HIBADH: variants seen among roughly 807,000 people sequenced by gnomAD.
HIBADH encodes 3-hydroxyisobutyrate dehydrogenase, mitochondrial.
Under a neutral mutation model 36.1 loss-of-function variants are expected in HIBADH, and 25 were observed. The ratio of observed to expected loss-of-function variants is 0.69; its 90% CI spans 0.50 to 0.97. The LOEUF (loss-of-function observed/expected upper bound fraction) is 0.97, where lower values mean the gene tolerates loss of function less well. HIBADH is among the 50% of genes least tolerant of loss of function. HIBADH has a pLI of 0.00. For synonymous variants in HIBADH, 160 were observed against 149.5 expected (o/e 1.07, Z -0.51); for missense variants, 421 against 418.0 (o/e 1.01, Z -0.06).
At chr7:27,576,012 G>C (rs1315530524) in intron 4 of HIBADH, among the ~76,000 whole-genome samples, 1 of 152,150 alleles carries the variant, frequency 6.6e-6, no homozygotes, top group Non-Finnish European at 1.5e-5. Flanking sequence ...TCTACTCATT[G>C]AATCAAGGCT....
At chr7:27,586,359 A>C (rs1466512026) in intron 4 of HIBADH, among the ~76,000 whole-genome samples, 1 of 135,062 alleles carries the variant, frequency 7.4e-6, no homozygotes, top group Non-Finnish European at 1.6e-5. Flanking sequence ...AAAGAGAGAC[A>C]GGGAGAGAGA....
chr7:27,644,960 G>C (rs2128296339), intron 2 of HIBADH, among the ~76,000 whole-genome samples: 1 of 152,080 alleles, frequency 6.6e-6, no homozygotes, highest in East Asian at 1.9e-4. Flanking sequence ...ATGCTTTCAA[G>C]GTTTATCAAT....
intron 6 of HIBADH, among the ~76,000 whole-genome samples, chr7:27,535,240 C>A (rs1333128341): frequency 6.6e-6 from 1 of 151,710 alleles, no homozygotes; most frequent in Non-Finnish European, 1.5e-5. Context: ...ATACAAAGAA[C>A]AAGCTTTTTG....
At chr7:27,630,696 T>C (rs1341135652) in intron 3 of HIBADH, among the ~76,000 whole-genome samples, 2 of 152,086 alleles carry the variant, frequency 1.3e-5, no homozygotes, top group Middle Eastern at 3.4e-3. Context: ...AGGCCACAGG[T>C]TGGAGACCAG....
chr7:27,631,980 A>G (rs188414372), intron 3 of HIBADH, among the ~76,000 whole-genome samples: 2 of 152,346 alleles, frequency 1.3e-5, no homozygotes, highest in East Asian at 1.9e-4. Flanking sequence ...TATATTTTTC[A>G]TAAAACCCTT....
chr7:27,607,569 G>A lies in HIBADH; in HGVS notation c.484+21802C>T, dbSNP rs148603498. Among the ~76,000 whole-genome samples, 172 of 152,124 alleles carry A rather than the reference G, an allele frequency of 1.1e-3. 2 individuals are homozygous for A. Among genetic ancestry groups the A allele is most frequent in the Non-Finnish European group, 2.1e-3 (142 of 67,994 alleles). ...CAGGTCTCAAAGTCAGAATTATGTCGCTGCTCTTATTCCTTTCTCAAAATT... is the reference window on the plus strand; with the variant it reads ...CAGGTCTCAAAGTCAGAATTATGTCACTGCTCTTATTCCTTTCTCAAAATT... On this transcript the variant is annotated intron_variant, in intron 4 of 7. Transcript: ENST00000265395.
At chr7:27,567,833 T>C (rs538439537) in intron 4 of HIBADH, among the ~76,000 whole-genome samples, 10 of 152,346 alleles carry the variant, frequency 6.6e-5, no homozygotes, top group South Asian at 4.1e-4. Context: ...ACCAATGTTT[T>C]ACAGATGGCC....
At chr7:27,621,706 C>T (rs1292117592) in intron 4 of HIBADH, among the ~76,000 whole-genome samples, 1 of 152,100 alleles carries the variant, frequency 6.6e-6, no homozygotes, top group Non-Finnish European at 1.5e-5. Flanking sequence ...GCAGAAGAAT[C>T]GCTTGAACCT....
At chr7:27,544,447 G>T (rs1222116594) in intron 4 of HIBADH, among the ~76,000 whole-genome samples, 2 of 152,004 alleles carry the variant, frequency 1.3e-5, no homozygotes, top group Admixed American at 1.3e-4. Flanking sequence ...CTTCACTTTG[G>T]ATTATATACA....
At position 27,525,961 on chromosome 7, in the gene HIBADH, C is replaced by T. The variant is rs1783889457; in HGVS notation, c.*253G>A. ...GATTTAGTTGAGGATGCTTGGGGAT[C>T]AAACTTTGTAAAAAGGTCAATTAAG... is the stretch of plus-strand genomic sequence containing the variant. On this transcript the variant is annotated 3_prime_UTR_variant, in exon 8 of 8. Coordinates refer to ENST00000265395, the MANE Select transcript of HIBADH (RefSeq NM_152740.4). 4.0e-6 allele frequency: 1 copy of T among 250,788 alleles called. No individual in the cohort carries two copies. The highest frequency in any genetic ancestry group is 7.5e-6 in the Non-Finnish European group (1 of 132,858). The allele number at this position is 250,788 out of a possible 1,614,324, so 15.5% of individuals were successfully genotyped here.
chr7:27,540,263 T>A (rs1262052783), intron 5 of HIBADH, among the ~76,000 whole-genome samples: 31 of 152,214 alleles, frequency 2.0e-4, no homozygotes. Context: ...CCATACTGTC[T>A]AATGTCAATT....
intron 4 of HIBADH, among the ~76,000 whole-genome samples, chr7:27,624,666 T>C (rs1414971778): frequency 2.6e-5 from 4 of 152,218 alleles, no homozygotes; most frequent in Admixed American, 1.3e-4. Context: ...ATGAGAACTC[T>C]AGAAAATATT....
chr7:27,616,192 A>T (rs75884296), intron 4 of HIBADH, among the ~76,000 whole-genome samples: 1,943 of 152,260 alleles, frequency 0.013, 32 homozygotes, highest in African/African-American at 0.039. Flanking sequence ...GGCCAGACTC[A>T]TTTTAACAAC....
chr7:27,567,492 T>C (rs1308937918), intron 4 of HIBADH, among the ~76,000 whole-genome samples: 4 of 152,168 alleles, frequency 2.6e-5, no homozygotes, highest in Non-Finnish European at 5.9e-5. Flanking sequence ...TTAGTATTGA[T>C]AGGTTTGGAT....
intron 4 of HIBADH, among the ~76,000 whole-genome samples, chr7:27,597,206 T>C (rs1785046158): frequency 6.6e-6 from 1 of 152,160 alleles, no homozygotes; most frequent in African/African-American, 2.4e-5. Flanking sequence ...AAAAGGATTT[T>C]GAGATAATCT....
At chr7:27,585,441 G>A (rs1784846551) in intron 4 of HIBADH, among the ~76,000 whole-genome samples, 2 of 152,040 alleles carry the variant, frequency 1.3e-5, no homozygotes, top group Non-Finnish European at 2.9e-5. Flanking sequence ...CAATCTGAGG[G>A]TTAAACATAA....
intron 4 of HIBADH, among the ~76,000 whole-genome samples, chr7:27,547,689 A>C (rs1784254368): frequency 1.3e-5 from 2 of 152,108 alleles, no homozygotes; most frequent in Admixed American, 6.6e-5. Context: ...CTGTTTCTTC[A>C]TCTAGGATGT....
At chr7:27,528,770 T>A (rs1783951276) in intron 7 of HIBADH, among the ~76,000 whole-genome samples, 1 of 152,238 alleles carries the variant, frequency 6.6e-6, no homozygotes, top group South Asian at 2.1e-4. Context: ...CTATCACTGA[T>A]GAGGGTAGCC....
chr7:27,538,451 T>C, intron 5 of HIBADH, 34 bp from the exon 6 acceptor site: 1 of 1,575,816 alleles, frequency 6.3e-7, no homozygotes, highest in Non-Finnish European at 8.7e-7. Context: ...TAAATATCTG[T>C]ATTTTCAAGG....
Sources: gnomAD v4.1 joint callset for allele counts (sites outside exome capture counted in the v4.1 genomes callset) on GRCh38, gnomAD v4.1.1 for gene constraint, MANE v1.5 for transcripts, NCBI Gene and HGNC (gene_info 2026-07-23, HGNC 2026-07-21) for gene names.